GPC3: variants seen among roughly 807,000 people sequenced by gnomAD.
The protein encoded by GPC3 is glypican 3.
A neutral mutation model predicts 34.4 loss-of-function variants in GPC3; 3 were observed. That is an observed-to-expected ratio of 0.09 (90% CI 0.04 to 0.23). The LOEUF (loss-of-function observed/expected upper bound fraction) is 0.23, where lower values mean the gene tolerates loss of function less well. GPC3 is among the 10% of genes least tolerant of loss of function. The probability of loss-of-function intolerance (pLI) is 1.00; values close to 1 mark genes in which losing one functional copy is unlikely to be tolerated. For synonymous variants in GPC3, 177 were observed against 174.0 expected (o/e 1.02, Z -0.13); for missense variants, 351 against 445.6 (o/e 0.79, Z 1.91).
intron 2 of GPC3, among the ~76,000 whole-genome samples, chrX:133,881,393 G>C (rs2076040919): frequency 8.9e-6 from 1 of 112,124 alleles, no homozygotes; most frequent in Non-Finnish European, 1.9e-5. Flanking sequence ...GGGGGAGGCA[G>C]CAAATGGATT....
At chrX:133,672,803 A>G (rs1196052354) in intron 5 of GPC3, among the ~76,000 whole-genome samples, 1 of 109,080 alleles carries the variant, frequency 9.2e-6, no homozygotes, top group African/African-American at 3.4e-5. Flanking sequence ...GGCGCCCGCC[A>G]CCATGCCTGG....
chrX:133,771,523 C>T (rs1463830788), intron 2 of GPC3, among the ~76,000 whole-genome samples: 20 of 112,042 alleles, frequency 1.8e-4, no homozygotes, highest in Non-Finnish European at 1.9e-5. Flanking sequence ...CTGACCCAAA[C>T]GCTAAATTCC....
chrX:133,903,957 C>A (rs1006541180), intron 2 of GPC3, among the ~76,000 whole-genome samples: 1 of 111,820 alleles, frequency 8.9e-6, no homozygotes, highest in African/African-American at 3.2e-5. Context: ...GGTACCCTGG[C>A]TCAGGGTAGC....
intron 2 of GPC3, among the ~76,000 whole-genome samples, chrX:133,756,580 G>T (rs1433134067): frequency 8.9e-6 from 1 of 112,629 alleles, no homozygotes; most frequent in Non-Finnish European, 1.9e-5. Flanking sequence ...CAATGTGCAA[G>T]ATGTACAACA....
At chrX:133,801,996 C>T (rs1208166716) in intron 2 of GPC3, among the ~76,000 whole-genome samples, 1 of 111,708 alleles carries the variant, frequency 9.0e-6, no homozygotes, top group Admixed American at 9.5e-5. Flanking sequence ...AAAAACAAAA[C>T]CTTACTGCCC....
chrX:133,745,827 C>T (rs2071606844), intron 3 of GPC3, among the ~76,000 whole-genome samples: 1 of 112,556 alleles, frequency 8.9e-6, no homozygotes, highest in African/African-American at 3.2e-5. Flanking sequence ...ATCTCTTGTG[C>T]TTTGGCATGT....
intron 7 of GPC3, among the ~76,000 whole-genome samples, chrX:133,593,354 T>TAAAAAAAAAAAAAAAAAAAAA (rs1186766438): frequency 4.2e-5 from 2 of 47,716 alleles, no homozygotes; most frequent in Non-Finnish European, 7.7e-5. Context: ...AAAAAAAAAG[T>TAAAAAAAAAAAAAAAAAAAAA]AAAAAAAAAA....
At chrX:133,806,916 G>A (rs1041791353) in intron 2 of GPC3, among the ~76,000 whole-genome samples, 4 of 111,511 alleles carry the variant, frequency 3.6e-5, no homozygotes, top group Admixed American at 9.5e-5. Context: ...CCAAAGTGCT[G>A]GGATTACAGG....
chrX:133,692,972 G>T (rs776241751), intron 4 of GPC3, among the ~76,000 whole-genome samples: 5 of 111,694 alleles, frequency 4.5e-5, no homozygotes, highest in Admixed American at 9.6e-5. Context: ...GCTCAGAACA[G>T]TATAAGCTCT....
chrX:133,826,647 T>G (rs2124540196), intron 2 of GPC3, among the ~76,000 whole-genome samples: 1 of 111,016 alleles, frequency 9.0e-6, no homozygotes, highest in Admixed American at 9.6e-5. Flanking sequence ...GGCCAAAAAC[T>G]TCCCAAATTT....
chrX:133,841,215 A>ATTTTTTTTTTTTTTTTTTTTTTTTTTTTT lies in GPC3; in HGVS notation c.338-87040_338-87039insAAAAAAAAAAAAAAAAAAAAAAAAAAAAA, dbSNP rs769696321. 2.8e-4 allele frequency among the ~76,000 whole-genome samples: 11 copies of ATTTTTTTTTTTTTTTTTTTTTTTTTTTTT among 39,248 alleles called. 4 individuals are homozygous for ATTTTTTTTTTTTTTTTTTTTTTTTTTTTT. The highest frequency in any genetic ancestry group is 4.3e-4 in the Non-Finnish European group (8 of 18,663). 34.1% of individuals were successfully genotyped at this position (39,248 alleles called of 115,157 possible). On this transcript the variant is annotated intron_variant, in intron 2 of 7. Transcript: ENST00000370818. ...ACCACCATGCCTGGCTAATCTTTTA[A>ATTTTTTTTTTTTTTTTTTTTTTTTTTTTT]TTTTTTTTTTTTTTTTTTTTTTTGG...
intron 2 of GPC3, among the ~76,000 whole-genome samples, chrX:133,906,256 AAGGGAGGATAGGCTGCATTAATATGC>A (rs2076167253): frequency 8.9e-6 from 1 of 112,295 alleles, no homozygotes; most frequent in African/African-American, 3.2e-5. Flanking sequence ...TTAGGGAAAG[AAGGGAGGATAGGCTGCATTAATATGC>A]AGCCCAAAAT....
At chrX:133,708,202 T>A (rs1466572453) in intron 3 of GPC3, among the ~76,000 whole-genome samples, 2 of 111,996 alleles carry the variant, frequency 1.8e-5, no homozygotes, top group African/African-American at 3.2e-5. Context: ...TTTGCTTTTG[T>A]GAATAAAGCT....
chrX:133,800,414 C>G (rs1018075430), intron 2 of GPC3, among the ~76,000 whole-genome samples: 4 of 111,986 alleles, frequency 3.6e-5, no homozygotes, highest in African/African-American at 1.3e-4. Flanking sequence ...TTTCTGTGGA[C>G]TTGAGCAGAG....
intron 1 of GPC3, among the ~76,000 whole-genome samples, chrX:133,955,602 G>C (rs2076413230): frequency 9.0e-6 from 1 of 111,490 alleles, no homozygotes; most frequent in Non-Finnish European, 1.9e-5. Flanking sequence ...TTGAACAAGA[G>C]AAATTTAATC....
At chrX:133,635,085 T>C (rs1051407580) in intron 6 of GPC3, among the ~76,000 whole-genome samples, 5 of 111,568 alleles carry the variant, frequency 4.5e-5, no homozygotes, top group Admixed American at 1.9e-4. Context: ...TTGACACTTT[T>C]TAAAATGAAA....
rs1254991350 is a variant in GPC3 at position 133,794,901 on chromosome X, T to C, written c.338-40725A>G. On this transcript the variant is annotated intron_variant, in intron 2 of 7. Transcript: ENST00000370818. The stretch of plus-strand genomic sequence containing the variant: ...CAATGGCACATTTTGTATGTTTCTA[T>C]CTGAGTCTATCAAAATATGTTGAAA... 2.7e-5 allele frequency among the ~76,000 whole-genome samples: 3 copies of C among 112,549 alleles called. No individual in the cohort carries two copies. The Admixed American group carries it at 2.8e-4, about 11-fold the overall frequency.
chrX:133,942,749 C>T (rs2076350292), intron 2 of GPC3, among the ~76,000 whole-genome samples: 2 of 110,687 alleles, frequency 1.8e-5, no homozygotes, highest in South Asian at 7.8e-4. Flanking sequence ...GAAATAAATA[C>T]TGCTGTATTA....
intron 5 of GPC3, among the ~76,000 whole-genome samples, chrX:133,688,397 C>T (rs1442564363): frequency 3.6e-5 from 4 of 111,403 alleles, no homozygotes; most frequent in African/African-American, 1.3e-4. Context: ...AAGACTGGAT[C>T]GGTGAAAACA....
Sources: gnomAD v4.1 joint callset for allele counts (sites outside exome capture counted in the v4.1 genomes callset) on GRCh38, gnomAD v4.1.1 for gene constraint, MANE v1.5 for transcripts, NCBI Gene and HGNC (gene_info 2026-07-23, HGNC 2026-07-21) for gene names.